Variants in ANKS1B observed in about 807,000 individuals in gnomAD.
ANKS1B encodes the protein ankyrin repeat and sterile alpha motif domain-containing protein 1B.
Under a neutral mutation model 148.3 loss-of-function variants are expected in ANKS1B, and 36 were observed. That is an observed-to-expected ratio of 0.24 (90% CI 0.19 to 0.32). ANKS1B has a LOEUF of 0.32. Ranked by LOEUF, ANKS1B falls within the 10% of genes least tolerant of loss-of-function variation. ANKS1B has a pLI of 1.00. For synonymous variants in ANKS1B, 542 were observed against 560.8 expected (o/e 0.97, Z 0.47); for missense variants, 1,157 against 1,542.6 (o/e 0.75, Z 4.19).
At chr12:99,615,482 T>C (rs989677794) in intron 9 of ANKS1B, among the ~76,000 whole-genome samples, 1 of 152,156 alleles carries the variant, frequency 6.6e-6, no homozygotes, top group South Asian at 2.1e-4. Flanking sequence ...CAATGTAATG[T>C]TCTGGTTTGG....
At chr12:99,500,476 C>G (rs149646547) in intron 10 of ANKS1B, among the ~76,000 whole-genome samples, 22 of 152,246 alleles carry the variant, frequency 1.4e-4, no homozygotes, top group African/African-American at 5.1e-4. Context: ...TTCCTCTATT[C>G]CCCAGTTGAA....
rs536415208 is a variant in ANKS1B at position 99,903,147 on chromosome 12, T to C, written c.135-77758A>G. Reference sequence around the variant, plus strand: ...TTCAATAAATGTTAGCTATTATTCATGTTTTGAGAAAAAGAGGAAAGTTCC... The same window carrying C: ...TTCAATAAATGTTAGCTATTATTCACGTTTTGAGAAAAAGAGGAAAGTTCC... On this transcript the variant is annotated intron_variant, in intron 1 of 26. Coordinates refer to ENST00000683438, the MANE Select transcript of ANKS1B (RefSeq NM_001352186.2). Among the ~76,000 whole-genome samples, 7 of 152,348 alleles carry C rather than the reference T, an allele frequency of 4.6e-5. No individual in the cohort carries two copies. The South Asian group carries it at 1.4e-3, about 32-fold the overall frequency.
At position 98,916,962 on chromosome 12, in the gene ANKS1B, A is replaced by ATTT. The variant is rs367815683; in HGVS notation, c.2779-84829_2779-84827dup. On this transcript the variant is annotated intron_variant, in intron 17 of 26. Transcript: ENST00000683438. ...CTTATAGCAGCCCTAGTATTCAACT[A>ATTT]TTTTTTTTTTTTTTTTGAGACAGGA... 1.5e-3 allele frequency among the ~76,000 whole-genome samples: 215 copies of ATTT among 141,538 alleles called. 3 individuals are homozygous for ATTT. Among genetic ancestry groups the ATTT allele is most frequent in the South Asian group, 8.2e-3 (36 of 4,400 alleles). 92.9% of individuals were successfully genotyped at this position (141,538 alleles called of 152,430 possible). A position where few individuals can be genotyped will look rare whatever the true frequency, so the allele number is the denominator to read the frequency against.
At chr12:99,495,835 A>C (rs1254650110) in intron 10 of ANKS1B, among the ~76,000 whole-genome samples, 8 of 152,244 alleles carry the variant, frequency 5.3e-5, no homozygotes, top group Non-Finnish European at 1.2e-4. Flanking sequence ...AAATTTTGGC[A>C]ATAGAATTAA....
chr12:99,768,477 G>A (rs777179531), intron 8 of ANKS1B, among the ~76,000 whole-genome samples: 7 of 152,040 alleles, frequency 4.6e-5, no homozygotes, highest in Non-Finnish European at 1.0e-4. Flanking sequence ...TTAAGGAGGG[G>A]GTGTTGGGAG....
At chr12:99,522,624 T>C (rs2096886070) in intron 9 of ANKS1B, among the ~76,000 whole-genome samples, 3 of 152,154 alleles carry the variant, frequency 2.0e-5, no homozygotes, top group Admixed American at 2.0e-4. Context: ...TATGCTTCAG[T>C]AGAGAAAAGA....
At chr12:99,650,247 T>A (rs2098409276) in intron 9 of ANKS1B, among the ~76,000 whole-genome samples, 1 of 94,110 alleles carries the variant, frequency 1.1e-5, no homozygotes, top group South Asian at 2.9e-4. Flanking sequence ...ATTCTAAAAC[T>A]GTTTTCCAAA....
chr12:99,710,527 G>C (rs538448311), intron 8 of ANKS1B, among the ~76,000 whole-genome samples: 4 of 152,104 alleles, frequency 2.6e-5, no homozygotes, highest in African/African-American at 4.8e-5. Flanking sequence ...TGGGGGAAAT[G>C]AATTAGGTAA....
At chr12:99,284,883 C>T (rs570567376) in intron 12 of ANKS1B, among the ~76,000 whole-genome samples, 1 of 152,228 alleles carries the variant, frequency 6.6e-6, no homozygotes, top group East Asian at 1.9e-4. Flanking sequence ...ACATTGACAT[C>T]CTTTTACATG....
At chr12:99,879,671 C>T (rs898986582) in intron 1 of ANKS1B, among the ~76,000 whole-genome samples, 2 of 152,162 alleles carry the variant, frequency 1.3e-5, no homozygotes, top group African/African-American at 4.8e-5. Context: ...CTTCCATATG[C>T]TTTCAATTTT....
At chr12:99,187,158 AACAAAGC>A (rs1223690726) in intron 14 of ANKS1B, among the ~76,000 whole-genome samples, 2 of 151,978 alleles carry the variant, frequency 1.3e-5, no homozygotes, top group Non-Finnish European at 2.9e-5. Flanking sequence ...AAAAGGAACA[AACAAAGC>A]CACCAAGAAA....
At chr12:99,548,725 T>G (rs12304888) in intron 9 of ANKS1B, among the ~76,000 whole-genome samples, 5,499 of 152,212 alleles carry the variant, frequency 0.036, 275 homozygotes, top group African/African-American at 0.11. Context: ...CTGGAAAAGA[T>G]AGTGCTCTTT....
intron 12 of ANKS1B, among the ~76,000 whole-genome samples, chr12:99,315,617 T>G (rs1210959742): frequency 1.3e-5 from 2 of 152,180 alleles, no homozygotes; most frequent in Non-Finnish European, 2.9e-5. Flanking sequence ...TTTTAAAGTA[T>G]GCCATTTGGT....
chr12:99,123,719 T>C (rs530095356), intron 15 of ANKS1B, among the ~76,000 whole-genome samples: 32 of 152,210 alleles, frequency 2.1e-4, no homozygotes, highest in Non-Finnish European at 4.4e-4. Context: ...GCAGGAAGCA[T>C]AGTACAGGAG....
chr12:99,488,612 G>C (rs981277817), intron 10 of ANKS1B, among the ~76,000 whole-genome samples: 3 of 152,038 alleles, frequency 2.0e-5, no homozygotes, highest in African/African-American at 7.2e-5. Flanking sequence ...TCAGCAGAGG[G>C]GCAGACTTTC....
intron 9 of ANKS1B, among the ~76,000 whole-genome samples, chr12:99,599,147 C>A (rs979096001): frequency 7.9e-5 from 12 of 151,974 alleles, no homozygotes; most frequent in African/African-American, 2.9e-4. Flanking sequence ...AGGACAATCT[C>A]CCATCTCAAG....
chr12:99,277,382 C>A (rs1602333474), intron 12 of ANKS1B, among the ~76,000 whole-genome samples: 1 of 152,170 alleles, frequency 6.6e-6, no homozygotes, highest in Non-Finnish European at 1.5e-5. Flanking sequence ...GTTATCAAAG[C>A]TACTTTGGTG....
intron 14 of ANKS1B, among the ~76,000 whole-genome samples, chr12:99,209,905 C>T (rs1245934325): frequency 6.6e-6 from 1 of 152,070 alleles, no homozygotes; most frequent in Non-Finnish European, 1.5e-5. Flanking sequence ...AGATGTTAGC[C>T]CCAAGATAAC....
At chr12:99,749,438 A>T (rs10860506) in intron 8 of ANKS1B, among the ~76,000 whole-genome samples, 35,107 of 152,028 alleles carry the variant, frequency 0.23, 4,648 homozygotes, top group Non-Finnish European at 0.31. Context: ...CAGATTCCAG[A>T]TTACATTGTT....
Sources: gnomAD v4.1 joint callset for allele counts (sites outside exome capture counted in the v4.1 genomes callset) on GRCh38, gnomAD v4.1.1 for gene constraint, MANE v1.5 for transcripts, NCBI Gene and HGNC (gene_info 2026-07-23, HGNC 2026-07-21) for gene names.